The following ANKS1B variants were observed in gnomAD, a reference collection of about 807,000 sequenced individuals.
ANKS1B encodes the protein ankyrin repeat and sterile alpha motif domain-containing protein 1B.
In ANKS1B, 36 loss-of-function variants were observed where a neutral mutation model predicts 148.3. That is an observed-to-expected ratio of 0.24 (90% CI 0.19 to 0.32). ANKS1B has a LOEUF of 0.32. ANKS1B is among the 10% of genes least tolerant of loss of function. The pLI, the probability that ANKS1B is intolerant of heterozygous loss-of-function variation, is 1.00. For missense variants in ANKS1B, 1,157 were observed against 1,542.6 expected, an observed-to-expected ratio of 0.75 and a Z score of 4.19; for synonymous variants, 542 against 560.8, an observed-to-expected ratio of 0.97 and a Z score of 0.47.
In ANKS1B at chr12:98,758,888, C is replaced by T. The variant is rs181363372; in HGVS notation, c.3580-7366G>A. ...CTCCACCTCCCGGGTTCAAGTGATT[C>T]TCCTGCCTCAGCCTCCTGAGTGGCT... On this transcript the variant is annotated intron_variant, in intron 25 of 26. Transcript: ENST00000683438. 4.4e-3 allele frequency among the ~76,000 whole-genome samples: 633 copies of T among 143,450 alleles called. 1 individual carries two copies. Among genetic ancestry groups the T allele is most frequent in the South Asian group, 7.2e-3 (31 of 4,322 alleles). 94.1% of individuals were successfully genotyped at this position (143,450 alleles called of 152,430 possible).
intron 9 of ANKS1B, among the ~76,000 whole-genome samples, chr12:99,616,897 C>G (rs1433557533): frequency 6.6e-6 from 1 of 151,906 alleles, no homozygotes; most frequent in Non-Finnish European, 1.5e-5. Context: ...ATCCATCTGA[C>G]AAGGGCTAAT....
At chr12:99,008,536 C>T (rs1275104200) in intron 17 of ANKS1B, among the ~76,000 whole-genome samples, 2 of 152,144 alleles carry the variant, frequency 1.3e-5, no homozygotes, top group Non-Finnish European at 2.9e-5. Context: ...GAAAAGACTT[C>T]TACAACCCAG....
intron 9 of ANKS1B, among the ~76,000 whole-genome samples, chr12:99,579,347 G>A (rs889399101): frequency 5.3e-5 from 8 of 152,000 alleles, no homozygotes; most frequent in African/African-American, 1.9e-4. Context: ...TCAAAGATAA[G>A]TGGGATCTAA....
At chr12:98,769,165 CTTTTTTTTTTTTTTT>C (rs1182264550) in intron 25 of ANKS1B, among the ~76,000 whole-genome samples, 7 of 41,232 alleles carry the variant, frequency 1.7e-4, no homozygotes, top group East Asian at 1.3e-3. Context: ...GTCTTCTTTA[CTTTTTTTTTTTTTTT>C]TTTTTTTTTT....
intron 8 of ANKS1B, among the ~76,000 whole-genome samples, chr12:99,762,086 C>A (rs1010340963): frequency 2.6e-5 from 4 of 151,982 alleles, no homozygotes; most frequent in Admixed American, 2.6e-4. Context: ...TGTTCATGGG[C>A]TGGAAGAATC....
intron 15 of ANKS1B, among the ~76,000 whole-genome samples, chr12:99,106,229 G>T (rs151087725): frequency 6.6e-6 from 1 of 152,314 alleles, no homozygotes; most frequent in Non-Finnish European, 1.5e-5. Context: ...CATTATTCTA[G>T]TATCTTCGCA....
At chr12:99,473,079 T>C (rs12305638) in intron 10 of ANKS1B, among the ~76,000 whole-genome samples, 6,737 of 152,100 alleles carry the variant, frequency 0.044, 497 homozygotes, top group African/African-American at 0.16. Context: ...ATTTCCATGT[T>C]GCCTTCATGA....
At chr12:99,466,578 T>C (rs1175156292) in intron 10 of ANKS1B, among the ~76,000 whole-genome samples, 1 of 149,714 alleles carries the variant, frequency 6.7e-6, no homozygotes, top group Non-Finnish European at 1.5e-5. Flanking sequence ...AAGAATCAAA[T>C]AGATGCAATA....
At chr12:98,931,786 C>T (rs960928977) in intron 17 of ANKS1B, 1 of 152,126 alleles carries the variant, frequency 6.6e-6, no homozygotes, top group Non-Finnish European at 1.5e-5. Context: ...TCGAGCTTAT[C>T]CTCCCTGTTA....
At chr12:99,018,788 C>T (rs887592729) in intron 17 of ANKS1B, among the ~76,000 whole-genome samples, 1 of 152,162 alleles carries the variant, frequency 6.6e-6, no homozygotes, top group Non-Finnish European at 1.5e-5. Flanking sequence ...ACTAAAAATA[C>T]AGAAATTAGC....
chr12:99,235,224 T>A (rs535852299), intron 14 of ANKS1B, among the ~76,000 whole-genome samples: 29 of 152,316 alleles, frequency 1.9e-4, no homozygotes, highest in Admixed American at 1.5e-3. Flanking sequence ...ACATTTATTT[T>A]TACTTTTAAT....
intron 14 of ANKS1B, chr12:99,155,128 A>T: frequency 6.7e-7 from 1 of 1,494,008 alleles, no homozygotes; most frequent in Non-Finnish European, 8.9e-7. Context: ...TTCAAAAGAC[A>T]CCAGGAAATG....
Position 99,916,508 on chromosome 12 carries a change from A to T in ANKS1B, c.134+67596T>A, listed in dbSNP as rs528447842. ...CAACTGGTCACGTACCTGGTCCCTG[A>T]GTACATAATTGAGATGGATATACTT... On this transcript the variant is annotated intron_variant, in intron 1 of 26. Coordinates refer to ENST00000683438, the MANE Select transcript of ANKS1B (RefSeq NM_001352186.2). Among the ~76,000 whole-genome samples the T allele has an allele frequency of 2.0e-5, 3 of 152,200 alleles. No homozygotes were observed. The East Asian group carries it at 5.8e-4, about 29-fold the overall frequency.
intron 10 of ANKS1B, among the ~76,000 whole-genome samples, chr12:99,458,973 G>C (rs1239979373): frequency 1.3e-5 from 2 of 151,902 alleles, no homozygotes; most frequent in Non-Finnish European, 2.9e-5. Flanking sequence ...GAAAACTACA[G>C]ACCAATATCC....
chr12:99,272,337 T>C (rs1452674737), intron 12 of ANKS1B, among the ~76,000 whole-genome samples: 9 of 152,132 alleles, frequency 5.9e-5, no homozygotes, highest in Non-Finnish European at 1.3e-4. Flanking sequence ...TGTTAGTGCT[T>C]GAGAAATAAC....
chr12:99,284,931 G>A (rs1170088632), intron 12 of ANKS1B, among the ~76,000 whole-genome samples: 1 of 152,010 alleles, frequency 6.6e-6, no homozygotes, highest in African/African-American at 2.4e-5. Context: ...TCTATATAGT[G>A]TATATACATA....
intron 1 of ANKS1B, among the ~76,000 whole-genome samples, chr12:99,971,092 G>C (rs1338169773): frequency 1.7e-4 from 26 of 152,158 alleles, no homozygotes; most frequent in Admixed American, 1.7e-3. Flanking sequence ...CTGCTGGTTA[G>C]TTGGATAACA....
chr12:99,977,180 G>A (rs2095639879), intron 1 of ANKS1B, among the ~76,000 whole-genome samples: 1 of 152,150 alleles, frequency 6.6e-6, no homozygotes, highest in Admixed American at 6.6e-5. Flanking sequence ...GTCTCACTCT[G>A]TCACCTAGGC....
At chr12:99,893,238 G>A (rs1278314667) in intron 1 of ANKS1B, among the ~76,000 whole-genome samples, 2 of 151,904 alleles carry the variant, frequency 1.3e-5, no homozygotes, top group African/African-American at 2.4e-5. Context: ...GTGAAACCCC[G>A]TCTCTACTAA....
Sources: gnomAD v4.1 joint callset for allele counts (sites outside exome capture counted in the v4.1 genomes callset) on GRCh38, gnomAD v4.1.1 for gene constraint, MANE v1.5 for transcripts, NCBI Gene and HGNC (gene_info 2026-07-23, HGNC 2026-07-21) for gene names.